Variants in DCAF4 observed in about 807,000 individuals in gnomAD.
DCAF4 encodes the protein DDB1 and CUL4 associated factor 4.
DCAF4 carries 37 observed loss-of-function variants against 60.9 expected under a neutral mutation model. The ratio of observed to expected loss-of-function variants is 0.61; its 90% confidence interval spans 0.47 to 0.80. The LOEUF (loss-of-function observed/expected upper bound fraction) is 0.80, where lower values mean the gene tolerates loss of function less well. Ranked by LOEUF, DCAF4 falls within the 30% of genes least tolerant of loss-of-function variation. The probability of loss-of-function intolerance (pLI) is 0.00; values close to 1 mark genes in which losing one functional copy is unlikely to be tolerated. For missense variants in DCAF4, 577 were observed against 650.0 expected, an observed-to-expected ratio of 0.89 and a Z score of 1.22; for synonymous variants, 243 against 254.8, an observed-to-expected ratio of 0.95 and a Z score of 0.44.
At chr14:72,930,506 T>G (rs1888418593) in intron 1 of DCAF4, among the ~76,000 whole-genome samples, 1 of 152,176 alleles carries the variant, frequency 6.6e-6, no homozygotes. Flanking sequence ...TGTCCTCAAG[T>G]GATCCGCCAG....
intron 9 of DCAF4, among the ~76,000 whole-genome samples, 171 bp from the exon 10 acceptor site, chr14:72,953,993 G>A (rs2140302585): frequency 1.3e-5 from 2 of 151,834 alleles, no homozygotes. Flanking sequence ...ATAACCACTT[G>A]TGAGCCAGGC....
chr14:72,935,241 A>G (rs1185558262), intron 1 of DCAF4: 1 of 145,686 alleles, frequency 6.9e-6, no homozygotes, highest in Non-Finnish European at 1.5e-5. Context: ...GGCTTCTATT[A>G]GTATGTGACT....
intron 11 of DCAF4, among the ~76,000 whole-genome samples, chr14:72,954,877 G>A (rs1223865875): frequency 2.0e-5 from 3 of 152,174 alleles, no homozygotes; most frequent in Non-Finnish European, 4.4e-5. Context: ...AACACTTTGG[G>A]AGGCCAAGAT....
intron 1 of DCAF4, chr14:72,935,165 G>C (rs140151504): frequency 6.9e-4 from 105 of 152,280 alleles, no homozygotes; most frequent in African/African-American, 2.5e-3. Context: ...CCCTGAACAG[G>C]CTTCTTAAAA....
intron 6 of DCAF4, 37 bp from the exon 7 acceptor site, chr14:72,945,847 C>A (rs774117802): frequency 1.2e-6 from 2 of 1,613,192 alleles, no homozygotes. Context: ...CCAGGCGCAG[C>A]CTGGGACGTC....
intron 1 of DCAF4, among the ~76,000 whole-genome samples, chr14:72,929,352 A>G (rs543033534): frequency 5.3e-5 from 8 of 152,294 alleles, no homozygotes; most frequent in African/African-American, 1.7e-4. Context: ...GGTGGTCCAC[A>G]TATTCTGTGC....
intron 7 of DCAF4, among the ~76,000 whole-genome samples, chr14:72,946,264 G>A (rs1005547713): frequency 7.3e-5 from 11 of 151,336 alleles, no homozygotes; most frequent in East Asian, 1.9e-4. Flanking sequence ...GTGTGGTGGC[G>A]CGCACCTGTA....
At chr14:72,927,734 G>A (rs1887815042) in intron 1 of DCAF4, among the ~76,000 whole-genome samples, 1 of 152,018 alleles carries the variant, frequency 6.6e-6, no homozygotes, top group African/African-American at 2.4e-5. Flanking sequence ...ACTTACGCTG[G>A]GTGTGGTACC....
intron 6 of DCAF4, among the ~76,000 whole-genome samples, chr14:72,943,325 G>A (rs1401261882): frequency 6.6e-6 from 1 of 152,172 alleles, no homozygotes; most frequent in African/African-American, 2.4e-5. Flanking sequence ...CTTCAGCTCC[G>A]TCGTTTAACG....
At chr14:72,947,003 A>G in intron 7 of DCAF4, 139 bp from the exon 8 acceptor site, 1 of 1,137,076 alleles carries the variant, frequency 8.8e-7, no homozygotes, top group Non-Finnish European at 1.3e-6. Flanking sequence ...CCCCACCCTC[A>G]GAATGCTTGT....
chr14:72,928,585 T>TTATATATATATA (rs57258334), intron 1 of DCAF4, among the ~76,000 whole-genome samples: 10 of 15,932 alleles, frequency 6.3e-4, no homozygotes, highest in African/African-American at 7.5e-4. Context: ...TAAACATCCT[T>TTATATATATATA]TATATATATA....
chr14:72,953,709 TA>T (rs778771457), intron 9 of DCAF4, among the ~76,000 whole-genome samples: 291 of 10,054 alleles, frequency 0.029, 15 homozygotes, highest in African/African-American at 0.083. Flanking sequence ...GACCCTGTCT[TA>T]AAAAAAAAAA....
intron 2 of DCAF4, 99 bp from the exon 3 acceptor site, chr14:72,939,703 G>A (rs552350945): frequency 5.1e-5 from 48 of 940,352 alleles, no homozygotes; most frequent in Non-Finnish European, 7.3e-5. Flanking sequence ...GAGATCAGAG[G>A]TGAAGGCTGC....
At position 72,959,690 on chromosome 14, in the gene DCAF4, G is replaced by A. The variant is rs1892718418; in HGVS notation, c.*885G>A. 1 of 983,782 alleles carries A rather than the reference G, an allele frequency of 1.0e-6. No individual in the cohort carries two copies. The highest frequency in any genetic ancestry group is 1.7e-5 in the African/African-American group (1 of 57,194). The allele number at this position is 983,782 out of a possible 1,614,324, so 60.9% of individuals were successfully genotyped here. A position where few individuals can be genotyped will look rare whatever the true frequency, so the allele number is the denominator to read the frequency against. Reference sequence around the variant, plus strand: ...TTCTGTGAATGACTTAGGAGATCATGAGCTTGGGCTGCTGGGACCAGCTTT... The same window carrying A: ...TTCTGTGAATGACTTAGGAGATCATAAGCTTGGGCTGCTGGGACCAGCTTT... On this transcript the variant is annotated 3_prime_UTR_variant, in exon 14 of 14. Coordinates refer to ENST00000358377, the MANE Select transcript of DCAF4 (RefSeq NM_015604.4).
Position 72,954,808 on chromosome 14 carries a change from TA to T in DCAF4, c.1005+326del, listed in dbSNP as rs1892057095. On this transcript the variant is annotated intron_variant, in intron 11 of 13. Coordinates refer to ENST00000358377, the MANE Select transcript of DCAF4 (RefSeq NM_015604.4). ...AATTCTTCACAGCTCCCAGGTTATA[TA>T]TTTTATATGTTTAAAAAATCAGGCC... 2.0e-5 allele frequency among the ~76,000 whole-genome samples: 3 copies of T among 152,200 alleles called. No individual in the cohort carries two copies. The South Asian group carries it at 6.2e-4, about 32-fold the overall frequency.
chr14:72,941,759 A>ATT lies in DCAF4; in HGVS notation c.368_369dup (p.Asn124LeufsTer23). On this transcript the variant is annotated frameshift_variant, in exon 5 of 14. Coordinates refer to ENST00000358377, the MANE Select transcript of DCAF4 (RefSeq NM_015604.4). LOFTEE classifies it high-confidence loss of function. ...AATAAATATAGATTGCCAGGATGGG[A>ATT]TTTAATGCATCTTCCATGCTACGAA... 12 of 1,614,008 alleles carry ATT rather than the reference A, an allele frequency of 7.4e-6. No homozygotes were observed. Among genetic ancestry groups the ATT allele is most frequent in the Non-Finnish European group, 1.0e-5 (12 of 1,179,974 alleles).
downstream of DCAF4, among the ~76,000 whole-genome samples, chr14:72,961,372 G>A (rs1368141864): frequency 6.6e-6 from 1 of 152,188 alleles, no homozygotes; most frequent in East Asian, 1.9e-4. Flanking sequence ...GGAAAGAGTT[G>A]AGAGATACTT....
chr14:72,937,124 T>A (rs1889379406), intron 1 of DCAF4, among the ~76,000 whole-genome samples: 1 of 152,240 alleles, frequency 6.6e-6, no homozygotes, highest in Non-Finnish European at 1.5e-5. Context: ...TTTCAGAATA[T>A]GCCCATTTTT....
At chr14:72,937,199 GAGA>G (rs143817004) in intron 1 of DCAF4, among the ~76,000 whole-genome samples, 40,756 of 146,878 alleles carry the variant, frequency 0.28, 5,864 homozygotes, top group Non-Finnish European at 0.32. Flanking sequence ...CTGAGATAAG[GAGA>G]AGGAGACATT....
Sources: allele counts gnomAD v4.1 joint callset (sites outside exome capture counted in the v4.1 genomes callset), GRCh38; gene constraint gnomAD v4.1.1; transcripts MANE v1.5; gene names NCBI Gene and HGNC (gene_info 2026-07-23, HGNC 2026-07-21).